ADGRV1: variants seen among roughly 807,000 people sequenced by gnomAD.
ADGRV1 encodes the protein adhesion G protein-coupled receptor V1.
ADGRV1 carries 359 observed loss-of-function variants against 596.2 expected under a neutral mutation model. That is an observed-to-expected ratio of 0.60 (90% confidence interval 0.55 to 0.66). ADGRV1 has a LOEUF of 0.66. ADGRV1 is among the 30% of genes least tolerant of loss of function. ADGRV1 has a pLI of 0.00. For missense variants in ADGRV1, 7,274 were observed against 7,575.6 expected (o/e 0.96, Z 1.48); for synonymous variants, 2,681 against 2,679.2 (o/e 1.00, Z -0.02).
chr5:91,094,442 G>C (rs1340177402), intron 86 of ADGRV1, among the ~76,000 whole-genome samples: 1 of 148,402 alleles, frequency 6.7e-6, no homozygotes, highest in Admixed American at 6.7e-5. Context: ...CTAGGCAACA[G>C]AGTGAGAGTC....
chr5:91,110,535 C>T (rs1477994908), intron 87 of ADGRV1, among the ~76,000 whole-genome samples: 2 of 152,154 alleles, frequency 1.3e-5, no homozygotes, highest in Non-Finnish European at 2.9e-5. Flanking sequence ...TAACCTGAAC[C>T]AGTCAGATTC....
At chr5:90,650,720 T>G (rs1768478347) in intron 17 of ADGRV1, among the ~76,000 whole-genome samples, 1 of 150,224 alleles carries the variant, frequency 6.7e-6, no homozygotes, top group Non-Finnish European at 1.5e-5. Context: ...TATGTCTGTA[T>G]GTGTATGTGT....
chr5:90,628,463 T>C (rs1309598385), intron 7 of ADGRV1, 99 bp from the exon 8 acceptor site: 58 of 960,282 alleles, frequency 6.0e-5, no homozygotes, highest in Non-Finnish European at 9.0e-5. Flanking sequence ...AGATTCTGTT[T>C]TTATCAGTGT....
chr5:90,912,118 G>A (rs1772941835), intron 83 of ADGRV1, among the ~76,000 whole-genome samples: 1 of 152,054 alleles, frequency 6.6e-6, no homozygotes, highest in African/African-American at 2.4e-5. Context: ...TCATGAATAT[G>A]AGCTGTTTTT....
chr5:90,820,519 T>G (rs1035731171), intron 75 of ADGRV1, among the ~76,000 whole-genome samples: 1 of 152,192 alleles, frequency 6.6e-6, no homozygotes, highest in Non-Finnish European at 1.5e-5. Context: ...CTCGATGGTC[T>G]TTACATTTTG....
intron 1 of ADGRV1, among the ~76,000 whole-genome samples, chr5:90,590,683 C>T (rs2151994046): frequency 6.6e-6 from 1 of 152,278 alleles, no homozygotes; most frequent in South Asian, 2.1e-4. Context: ...ACTCCATTCT[C>T]AAAGTGAGGA....
chr5:90,781,165 T>C, intron 64 of ADGRV1: 1 of 445,742 alleles, frequency 2.2e-6, no homozygotes. Context: ...CAGTTTATTA[T>C]CTTCCCATTG....
Position 90,694,406 on chromosome 5 carries a change from T to C in ADGRV1, c.7650T>C (p.Ile2550=), listed in dbSNP as rs1746900930. Residue 2550 remains isoleucine, a synonymous_variant, in exon 33 of 90, where the codon ATT becomes ATC. Coordinates refer to ENST00000405460, the MANE Select transcript of ADGRV1 (RefSeq NM_032119.4). ...ISLLEVHLMN[I]SASLKNQPTI... ...TCCTTGAAGTTCACCTCATGAACATTTCAGCCAGTTTGAAAAATCAGCCAA... is the reference window on the plus strand; with the variant it reads ...TCCTTGAAGTTCACCTCATGAACATCTCAGCCAGTTTGAAAAATCAGCCAA... 1 of 1,613,892 alleles carries C rather than the reference T, an allele frequency of 6.2e-7. No homozygotes were observed. The highest frequency in any genetic ancestry group is 8.5e-7 in the Non-Finnish European group (1 of 1,179,896).
At chr5:90,926,211 C>T (rs1337758568) in intron 83 of ADGRV1, among the ~76,000 whole-genome samples, 2 of 152,012 alleles carry the variant, frequency 1.3e-5, no homozygotes, top group South Asian at 4.2e-4. Flanking sequence ...GGAATGGTAC[C>T]ACTTCCTCCT....
intron 1 of ADGRV1, among the ~76,000 whole-genome samples, chr5:90,613,450 C>A (rs1762957174): frequency 6.6e-6 from 1 of 152,046 alleles, no homozygotes; most frequent in East Asian, 1.9e-4. Context: ...CCTTCCATTT[C>A]TCTCATCTTT....
chr5:91,117,145 A>G (rs954319314), intron 87 of ADGRV1, among the ~76,000 whole-genome samples: 3 of 152,206 alleles, frequency 2.0e-5, no homozygotes, highest in Non-Finnish European at 4.4e-5. Flanking sequence ...TGAATTCATC[A>G]GAGTATTCCT....
Position 90,763,386 on chromosome 5 carries a change from G to C in ADGRV1, c.12202G>C (p.Gly4068Arg), listed in dbSNP as rs760011091. 6.2e-7 allele frequency: 1 copy of C among 1,613,284 alleles called. No individual in the cohort carries two copies. Among genetic ancestry groups the C allele is most frequent in the South Asian group, 1.1e-5 (1 of 91,006 alleles). ...GGTTGTCCGGTCCCCAGGAGGAAAA[G>C]GAACCGTCCGACTTGAGTGGACCAT... ...LTVVRSPGGK[G>R]TVRLEWTIDE... is the part of the protein sequence containing the mutation. The change falls in exon 59 of 90, where the codon GGA becomes CGA. Residue 4068 changes from glycine to arginine, a missense_variant. This residue lies in a region of ADGRV1 where 3,643 missense variants were observed against 3,809.2 expected (regional missense o/e 0.96). Transcript: ENST00000405460.
chr5:90,583,690 G>A (rs75165067), intron 1 of ADGRV1, among the ~76,000 whole-genome samples: 2,687 of 152,210 alleles, frequency 0.018, 74 homozygotes, highest in African/African-American at 0.061. Context: ...CTTGCAAATG[G>A]TAAATCACTG....
chr5:90,905,459 A>C (rs1244715707), intron 83 of ADGRV1, among the ~76,000 whole-genome samples: 1 of 151,938 alleles, frequency 6.6e-6, no homozygotes, highest in Admixed American at 6.6e-5. Context: ...TCTTTGGTTA[A>C]ATTAATTCCT....
At chr5:91,127,740 A>G (rs1329709448) in intron 87 of ADGRV1, among the ~76,000 whole-genome samples, 1 of 152,196 alleles carries the variant, frequency 6.6e-6, no homozygotes, top group African/African-American at 2.4e-5. Flanking sequence ...TAGAGACACC[A>G]GTACTTGCCC....
chr5:90,994,059 TC>T (rs1781204494), intron 85 of ADGRV1, among the ~76,000 whole-genome samples: 1 of 150,966 alleles, frequency 6.6e-6, no homozygotes. Context: ...ACTTTTCTTT[TC>T]TTTTTTTTTT....
intron 7 of ADGRV1, 43 bp downstream of exon 7, chr5:90,627,819 AT>A: frequency 8.2e-7 from 1 of 1,220,736 alleles, no homozygotes; most frequent in Non-Finnish European, 1.1e-6. Flanking sequence ...ATTTTATTAT[AT>A]TATTCCAGAT....
chr5:90,994,295 T>C (rs1781230246), intron 85 of ADGRV1, among the ~76,000 whole-genome samples: 1 of 152,140 alleles, frequency 6.6e-6, no homozygotes, highest in Non-Finnish European at 1.5e-5. Context: ...ACTCCTGACC[T>C]CAGGTGATCT....
At chr5:90,962,664 A>G (rs1195209843) in intron 83 of ADGRV1, among the ~76,000 whole-genome samples, 1 of 152,186 alleles carries the variant, frequency 6.6e-6, no homozygotes, top group Non-Finnish European at 1.5e-5. Context: ...CATCCCTTTT[A>G]TAGCAGTGTG....
Sources: allele counts gnomAD v4.1 joint callset (sites outside exome capture counted in the v4.1 genomes callset), GRCh38; gene constraint gnomAD v4.1.1; regional missense constraint gnomAD v4.1.1; transcripts MANE v1.5; gene names NCBI Gene and HGNC (gene_info 2026-07-23, HGNC 2026-07-21).